CDC42BPA: variants seen among roughly 807,000 people sequenced by gnomAD.
CDC42BPA encodes the protein serine/threonine-protein kinase MRCK alpha.
CDC42BPA carries 80 observed loss-of-function variants against 223.5 expected under a neutral mutation model. That is an observed-to-expected ratio of 0.36 (90% CI 0.30 to 0.43). CDC42BPA has a LOEUF of 0.43. Among genes scored for constraint, CDC42BPA ranks in the 20% least tolerant of loss-of-function variants. The probability of loss-of-function intolerance (pLI) is 1.00; values close to 1 mark genes in which losing one functional copy is unlikely to be tolerated. For synonymous variants in CDC42BPA, 694 were observed against 718.6 expected, an observed-to-expected ratio of 0.97 and a Z score of 0.55; for missense variants, 1,743 against 2,099.9, an observed-to-expected ratio of 0.83 and a Z score of 3.32.
At chr1:227,167,288 A>G (rs1339993273) in intron 5 of CDC42BPA, among the ~76,000 whole-genome samples, 1 of 152,190 alleles carries the variant, frequency 6.6e-6, no homozygotes, top group Non-Finnish European at 1.5e-5. Flanking sequence ...AAGGAATTTG[A>G]GTGCTGAAAA....
chr1:227,059,376 T>C, intron 21 of CDC42BPA: 16 of 1,562,938 alleles, frequency 1.0e-5, no homozygotes, highest in Non-Finnish European at 1.3e-5. Context: ...CTCTTACACG[T>C]CTGCCTTTGC....
intron 1 of CDC42BPA, among the ~76,000 whole-genome samples, chr1:227,255,397 T>C (rs1049774659): frequency 6.6e-5 from 10 of 152,206 alleles, no homozygotes; most frequent in Admixed American, 4.6e-4. Context: ...CCACACTGCT[T>C]AGTCAAGTCC....
intron 14 of CDC42BPA, among the ~76,000 whole-genome samples, chr1:227,107,644 G>T (rs1465032914): frequency 6.6e-6 from 1 of 152,192 alleles, no homozygotes; most frequent in African/African-American, 2.4e-5. Flanking sequence ...CAGTGAAGTG[G>T]TGTGGTCTTG....
chr1:227,007,230 C>A (rs530247171), intron 34 of CDC42BPA, among the ~76,000 whole-genome samples: 1 of 152,172 alleles, frequency 6.6e-6, no homozygotes, highest in Non-Finnish European at 1.5e-5. Flanking sequence ...TCATAGAATG[C>A]TATAGGCTAC....
At chr1:227,286,407 G>GT (rs1246614922) in intron 1 of CDC42BPA, among the ~76,000 whole-genome samples, 6 of 152,172 alleles carry the variant, frequency 3.9e-5, no homozygotes, top group Non-Finnish European at 5.9e-5. Context: ...TTGCTAAGGT[G>GT]TAACAAGGGT....
At chr1:227,200,536 T>C (rs1671579824) in intron 3 of CDC42BPA, among the ~76,000 whole-genome samples, 2 of 152,018 alleles carry the variant, frequency 1.3e-5, no homozygotes, top group South Asian at 4.1e-4. Context: ...GATTTTTTTT[T>C]TTTCTCAAGA....
intron 7 of CDC42BPA, among the ~76,000 whole-genome samples, 160 bp downstream of exon 7, chr1:227,147,199 T>C (rs752736137): frequency 6.6e-6 from 1 of 152,198 alleles, no homozygotes; most frequent in Non-Finnish European, 1.5e-5. Context: ...TAATAACTTA[T>C]GAATAATTTA....
chr1:227,195,290 T>A lies in CDC42BPA; in HGVS notation c.451-1356A>T, dbSNP rs908012263. Among the ~76,000 whole-genome samples, 7 of 152,150 alleles carry A rather than the reference T, an allele frequency of 4.6e-5. No homozygotes were observed. In the Middle Eastern group the frequency reaches 0.01, roughly 222 times the overall value. ...TTCACTGCAACCCCTGCCTCCTGGG[T>A]TCAAGTGATTCTCATGCCTCAGCTT... On this transcript the variant is annotated intron_variant, in intron 4 of 36. Transcript: ENST00000366766.
rs114646476 is a variant in CDC42BPA, at chr1:227,214,223, A to C, written c.271-1004T>G. Among the ~76,000 whole-genome samples, 1,471 of 152,200 alleles carry C rather than the reference A, an allele frequency of 9.7e-3. 12 individuals are homozygous for C. Among genetic ancestry groups the C allele is most frequent in the Non-Finnish European group, 0.016 (1,097 of 67,970 alleles). On this transcript the variant is annotated intron_variant, in intron 2 of 36. Transcript: ENST00000366766. ...TTTAAATTCAAGTGCAAAAAAAAAAAAACTTAATAGCAAATGTGCATATCA... is the reference window on the plus strand; with the variant it reads ...TTTAAATTCAAGTGCAAAAAAAAAACAACTTAATAGCAAATGTGCATATCA...
chr1:227,295,866 T>C (rs1364503710), intron 1 of CDC42BPA, among the ~76,000 whole-genome samples: 1 of 152,180 alleles, frequency 6.6e-6, no homozygotes, highest in Admixed American at 6.5e-5. Context: ...CTGGTAAGCA[T>C]CACACATCAC....
At chr1:227,191,436 T>C (rs1188983319) in intron 5 of CDC42BPA, among the ~76,000 whole-genome samples, 1 of 152,102 alleles carries the variant, frequency 6.6e-6, no homozygotes, top group Non-Finnish European at 1.5e-5. Flanking sequence ...TACGATTCAT[T>C]TAAAAGTACC....
At chr1:227,284,601 A>C (rs1470700576) in intron 1 of CDC42BPA, among the ~76,000 whole-genome samples, 2 of 152,152 alleles carry the variant, frequency 1.3e-5, no homozygotes, top group Admixed American at 1.3e-4. Context: ...CCTAAGCCCA[A>C]ACTTCAGAGC....
chr1:227,063,606 T>A (rs1199796825), intron 21 of CDC42BPA, among the ~76,000 whole-genome samples: 1 of 152,112 alleles, frequency 6.6e-6, no homozygotes, highest in Non-Finnish European at 1.5e-5. Flanking sequence ...GCATGTAACT[T>A]TCTGAAATAT....
Position 227,073,870 on chromosome 1 carries a change from G to A in CDC42BPA, c.2729C>T (p.Thr910Ile). Residue 910 changes from threonine to isoleucine, a missense_variant, in exon 19 of 37, where the codon ACA (threonine) becomes ATA (isoleucine). Thr to Ile is a moderately conservative substitution (Grantham distance 89). Around this residue, in one of 6 missense-constraint regions of CDC42BPA, gnomAD observed 678 missense variants for 777.5 expected, o/e 0.87. Transcript: ENST00000366766. ...CTATATGATTCAATCTTACCATTCT[G>A]TTATGATATTAGATGCTTTAACTTT... Reference protein sequence around the residue: ...LNKVKASNIITECKLKDSEKK... With the variant: ...LNKVKASNIIIECKLKDSEKK... The A allele has an allele frequency of 1.9e-6, 3 of 1,586,664 alleles. No homozygotes were observed. In the South Asian group the frequency reaches 3.5e-5, roughly 18 times the overall value.
intron 34 of CDC42BPA, 130 bp from the exon 35 acceptor site, chr1:227,005,241 G>A (rs913559592): frequency 5.9e-6 from 4 of 673,876 alleles, no homozygotes; most frequent in Non-Finnish European, 1.0e-5. Flanking sequence ...AGTAAGGAAT[G>A]GCAGATTATA....
At chr1:227,312,797 G>A (rs1573025809) in intron 1 of CDC42BPA, among the ~76,000 whole-genome samples, 1 of 151,826 alleles carries the variant, frequency 6.6e-6, no homozygotes, top group Non-Finnish European at 1.5e-5. Flanking sequence ...TCCCCTTTGT[G>A]TTGTGATAGT....
chr1:227,143,212 A>G (rs977814622), intron 8 of CDC42BPA, among the ~76,000 whole-genome samples, 188 bp from the exon 9 acceptor site: 8 of 152,206 alleles, frequency 5.3e-5, no homozygotes, highest in African/African-American at 1.9e-4. Flanking sequence ...CTACTCTAAA[A>G]TTCTAATTAA....
At chr1:227,006,569 C>T (rs545451537) in intron 34 of CDC42BPA, among the ~76,000 whole-genome samples, 9 of 152,296 alleles carry the variant, frequency 5.9e-5, no homozygotes, top group Non-Finnish European at 1.0e-4. Context: ...GCCTTTCTTT[C>T]CTCATGAGTA....
intron 23 of CDC42BPA, among the ~76,000 whole-genome samples, chr1:227,042,094 G>A (rs1364364744): frequency 6.6e-6 from 1 of 152,022 alleles, no homozygotes; most frequent in Non-Finnish European, 1.5e-5. Context: ...TGCAAAAGAC[G>A]TGAAGTTATT....
Sources: gnomAD v4.1 joint callset for allele counts (sites outside exome capture counted in the v4.1 genomes callset) on GRCh38, gnomAD v4.1.1 for gene constraint, gnomAD v4.1.1 regional missense constraint, MANE v1.5 for transcripts, NCBI Gene and HGNC (gene_info 2026-07-23, HGNC 2026-07-21) for gene names.